Variants in CDK14 observed in about 807,000 individuals in gnomAD.
The protein encoded by CDK14 is cyclin dependent kinase 14, also known as cyclin-dependent kinase 14.
CDK14 carries 34 observed loss-of-function variants against 60.7 expected under a neutral mutation model. The ratio of observed to expected loss-of-function variants is 0.56; its 90% CI spans 0.43 to 0.75. The LOEUF is 0.75. Ranked by LOEUF, CDK14 falls within the 30% of genes least tolerant of loss-of-function variation. CDK14 has a pLI of 0.00. For missense variants in CDK14, 482 were observed against 564.1 expected (o/e 0.85, Z 1.47); for synonymous variants, 197 against 203.7 (o/e 0.97, Z 0.28).
chr7:90,983,429 C>T (rs796499926), intron 9 of CDK14, among the ~76,000 whole-genome samples: 4 of 152,250 alleles, frequency 2.6e-5, no homozygotes, highest in African/African-American at 7.2e-5. Context: ...CCTGTAGTCC[C>T]AGCACTTTGG....
At chr7:91,190,210 G>A (rs549238751) in intron 14 of CDK14, among the ~76,000 whole-genome samples, 1 of 152,290 alleles carries the variant, frequency 6.6e-6, no homozygotes, top group Admixed American at 6.5e-5. Context: ...CACAGGCTGA[G>A]GCCTCATCTT....
At chr7:91,009,710 G>C (rs144099924) in intron 10 of CDK14, among the ~76,000 whole-genome samples, 3,449 of 152,084 alleles carry the variant, frequency 0.023, 33 homozygotes, top group Non-Finnish European at 0.032. Context: ...ATTGAGTTTT[G>C]AGAGTGCTTT....
intron 12 of CDK14, among the ~76,000 whole-genome samples, chr7:91,081,679 T>C (rs1044987516): frequency 3.3e-5 from 5 of 152,148 alleles, no homozygotes; most frequent in Admixed American, 2.0e-4. Flanking sequence ...CCAGTTTATT[T>C]TGGGGCCAAC....
chr7:91,200,601 G>C (rs946492396), intron 14 of CDK14, among the ~76,000 whole-genome samples: 1 of 152,010 alleles, frequency 6.6e-6, no homozygotes, highest in Non-Finnish European at 1.5e-5. Context: ...ACAGTTACGC[G>C]CTTTAGTTAA....
chr7:91,030,096 A>G (rs1375483567), intron 10 of CDK14, among the ~76,000 whole-genome samples: 1 of 152,210 alleles, frequency 6.6e-6, no homozygotes, highest in Non-Finnish European at 1.5e-5. Flanking sequence ...TTGAAAATAA[A>G]TGGATACATA....
intron 14 of CDK14, among the ~76,000 whole-genome samples, chr7:91,132,711 T>C (rs1800154315): frequency 6.6e-6 from 1 of 152,102 alleles, no homozygotes; most frequent in Non-Finnish European, 1.5e-5. Context: ...CAACACTTAC[T>C]CTTCTCCTTC....
chr7:90,760,123 T>A (rs2188242), intron 4 of CDK14, among the ~76,000 whole-genome samples: 1 of 151,956 alleles, frequency 6.6e-6, no homozygotes, highest in Non-Finnish European at 1.5e-5. Context: ...TAAACGACCT[T>A]ATAAATTGAG....
chr7:90,696,191 A>G (rs1341277070), intron 2 of CDK14, among the ~76,000 whole-genome samples: 2 of 152,170 alleles, frequency 1.3e-5, no homozygotes, highest in Non-Finnish European at 2.9e-5. Flanking sequence ...GCAGAGTACA[A>G]TCAAGGATTC....
At chr7:91,139,785 C>CCTTTCTTTCTTTCTTTCTTT (rs71292993) in intron 14 of CDK14, among the ~76,000 whole-genome samples, 4,137 of 146,270 alleles carry the variant, frequency 0.028, 58 homozygotes, top group Middle Eastern at 0.052. Flanking sequence ...TTTTTTCTTT[C>CCTTTCTTTCTTTCTTTCTTT]CTTTCTTTCT....
chr7:90,968,104 C>T (rs1436568242), intron 9 of CDK14, among the ~76,000 whole-genome samples: 1 of 152,088 alleles, frequency 6.6e-6, no homozygotes, highest in Non-Finnish European at 1.5e-5. Context: ...GTTTCATTTG[C>T]TGGTATTTTG....
At chr7:91,143,780 A>C (rs1343693987) in intron 14 of CDK14, among the ~76,000 whole-genome samples, 1 of 152,122 alleles carries the variant, frequency 6.6e-6, no homozygotes, top group Non-Finnish European at 1.5e-5. Context: ...GCTAGACATC[A>C]TGTTGAGCAC....
chr7:90,952,922 A>C (rs576005912), intron 8 of CDK14, among the ~76,000 whole-genome samples: 1 of 152,356 alleles, frequency 6.6e-6, no homozygotes, highest in African/African-American at 2.4e-5. Context: ...ACATATAGCA[A>C]TATCTTTACC....
At chr7:91,022,886 A>G (rs1187301862) in intron 10 of CDK14, among the ~76,000 whole-genome samples, 5 of 152,208 alleles carry the variant, frequency 3.3e-5, no homozygotes, top group South Asian at 4.1e-4. Flanking sequence ...CCCACTAGGA[A>G]GCTATGTCCT....
chr7:90,721,842 T>TTAC (rs1483337522), intron 2 of CDK14, among the ~76,000 whole-genome samples: 4 of 152,156 alleles, frequency 2.6e-5, no homozygotes, highest in Non-Finnish European at 5.9e-5. Context: ...GTTTTATCTT[T>TTAC]TACTAAGACC....
intron 2 of CDK14, among the ~76,000 whole-genome samples, chr7:90,708,636 T>TA (rs1375627979): frequency 1.1e-4 from 17 of 152,302 alleles, no homozygotes; most frequent in African/African-American, 3.1e-4. Flanking sequence ...ATGATTCATT[T>TA]AAACCAATTA....
intron 11 of CDK14, among the ~76,000 whole-genome samples, chr7:91,063,367 A>G (rs1026856401): frequency 3.9e-5 from 6 of 152,244 alleles, no homozygotes; most frequent in African/African-American, 1.4e-4. Flanking sequence ...TCAGACCAAC[A>G]GGATGATAAA....
At chr7:90,870,343 G>A (rs1200464434) in intron 6 of CDK14, among the ~76,000 whole-genome samples, 1 of 152,136 alleles carries the variant, frequency 6.6e-6, no homozygotes, top group African/African-American at 2.4e-5. Context: ...GTGTGCCAGA[G>A]GGTGGAGGCT....
At chr7:90,628,033 C>A (rs893133521) in intron 2 of CDK14, among the ~76,000 whole-genome samples, 1 of 152,182 alleles carries the variant, frequency 6.6e-6, no homozygotes, top group African/African-American at 2.4e-5. Context: ...TGGCTCACTA[C>A]GGCCTTGACC....
intron 2 of CDK14, chr7:90,709,621 C>T (rs977348989): frequency 4.4e-6 from 7 of 1,604,580 alleles, no homozygotes; most frequent in Non-Finnish European, 6.0e-6. Flanking sequence ...GCAAGTCCAT[C>T]GTGTTTGGAA....
Sources: allele counts gnomAD v4.1 joint callset (sites outside exome capture counted in the v4.1 genomes callset), GRCh38; gene constraint gnomAD v4.1.1; transcripts MANE v1.5; gene names NCBI Gene and HGNC (gene_info 2026-07-23, HGNC 2026-07-21).